Variants in ALPK1 observed in about 807,000 individuals in gnomAD.
The protein encoded by ALPK1 is alpha-protein kinase 1.
Under a neutral mutation model 120.6 loss-of-function variants are expected in ALPK1, and 110 were observed. The observed-to-expected ratio is 0.91, with a 90% CI of 0.78 to 1.07. The LOEUF is 1.07. Ranked by LOEUF, ALPK1 falls within the 50% of genes least tolerant of loss-of-function variation. The probability of loss-of-function intolerance (pLI) is 0.00; values close to 1 mark genes in which losing one functional copy is unlikely to be tolerated. For missense variants in ALPK1, 1,498 were observed against 1,483.9 expected (o/e 1.01, Z -0.16); for synonymous variants, 582 against 560.3 (o/e 1.04, Z -0.55).
In ALPK1 at chr4:112,432,549, T is replaced by G. The variant is rs74996127; in HGVS notation, c.3002T>G (p.Val1001Gly). ...TTTCAGAGACTAGAGAATACGGGGG[T>G]TTTTAAGCCCAGTCAACTCCACCGA... ...WLFQRLENTGVFKPSQLHRAH... is the reference protein window; with the variant it reads ...WLFQRLENTGGFKPSQLHRAH... The change falls in exon 11 of 16, where the codon GTT becomes GGT. Residue 1001 changes from valine to glycine, a missense_variant. Val to Gly is a moderately radical substitution (Grantham distance 109, BLOSUM62 -3). Coordinates refer to ENST00000650871, the MANE Select transcript of ALPK1 (RefSeq NM_025144.4). The G allele has an allele frequency of 3.0e-5, 48 of 1,606,990 alleles. No individual in the cohort carries two copies. Among genetic ancestry groups the G allele is most frequent in the Admixed American group, 5.1e-5 (3 of 59,352 alleles).
chr4:112,395,659 A>C (rs571789871), intron 4 of ALPK1, among the ~76,000 whole-genome samples: 9 of 152,352 alleles, frequency 5.9e-5, no homozygotes, highest in African/African-American at 1.9e-4. Context: ...TTGGCATGAG[A>C]AACTTTTTGT....
intron 1 of ALPK1, among the ~76,000 whole-genome samples, chr4:112,301,865 G>C (rs1727802079): frequency 6.6e-6 from 1 of 152,052 alleles, no homozygotes; most frequent in Admixed American, 6.6e-5. Flanking sequence ...TCACATTTTA[G>C]AGCCTGAGTG....
intron 5 of ALPK1, among the ~76,000 whole-genome samples, chr4:112,418,733 TAAGTTGGAGCTGAAA>T (rs1184542695): frequency 9.4e-6 from 1 of 106,166 alleles, no homozygotes; most frequent in African/African-American, 3.8e-5. Flanking sequence ...TGAAAGATGA[TAAGTTGGAGCTGAAA>T]AAGTTACTCC....
chr4:112,412,061 A>C (rs1733502648), intron 5 of ALPK1, 36 bp downstream of exon 5: 1 of 1,609,922 alleles, frequency 6.2e-7, no homozygotes, highest in Non-Finnish European at 8.5e-7. Flanking sequence ...CCGCGTCCTC[A>C]GTGTCTTCTG....
chr4:112,403,426 G>T (rs1319154383), intron 4 of ALPK1, among the ~76,000 whole-genome samples: 7 of 152,190 alleles, frequency 4.6e-5, no homozygotes, highest in Admixed American at 4.6e-4. Flanking sequence ...AAAGAGAAAA[G>T]AAAATGAAAA....
intron 4 of ALPK1, among the ~76,000 whole-genome samples, chr4:112,402,883 C>A (rs548562251): frequency 2.4e-4 from 36 of 152,262 alleles, no homozygotes; most frequent in African/African-American, 7.5e-4. Flanking sequence ...CTAAAAAGAT[C>A]ATATTTTTGA....
intron 2 of ALPK1, chr4:112,357,928 G>A: frequency 5.6e-6 from 5 of 895,806 alleles, no homozygotes; most frequent in South Asian, 2.7e-5. Flanking sequence ...GACCATGGGT[G>A]CTTACTAAGC....
intron 4 of ALPK1, among the ~76,000 whole-genome samples, chr4:112,407,868 G>A (rs907345382): frequency 6.6e-6 from 1 of 152,176 alleles, no homozygotes; most frequent in Non-Finnish European, 1.5e-5. Flanking sequence ...AGCACTTTGG[G>A]AGGCTCAGGT....
chr4:112,304,831 A>G (rs1283435646), intron 1 of ALPK1, among the ~76,000 whole-genome samples: 1 of 152,050 alleles, frequency 6.6e-6, no homozygotes, highest in Non-Finnish European at 1.5e-5. Context: ...GCCCATGCCT[A>G]TGTCCTGAAT....
intron 2 of ALPK1, among the ~76,000 whole-genome samples, chr4:112,341,719 G>A (rs187107661): frequency 1.3e-5 from 2 of 152,308 alleles, no homozygotes; most frequent in East Asian, 1.9e-4. Flanking sequence ...TTACAAGAAC[G>A]AAACAACAGG....
chr4:112,305,297 G>T (rs1323184723), intron 1 of ALPK1, among the ~76,000 whole-genome samples: 2 of 151,178 alleles, frequency 1.3e-5, no homozygotes, highest in African/African-American at 4.9e-5. Context: ...AAAGTCATTG[G>T]TAGCTTGATG....
intron 4 of ALPK1, among the ~76,000 whole-genome samples, chr4:112,395,980 A>G (rs1732632271): frequency 6.6e-6 from 1 of 152,184 alleles, no homozygotes. Flanking sequence ...TTTTTTAACA[A>G]AGGATGTCAA....
chr4:112,429,081 C>T, intron 9 of ALPK1, 68 bp from the exon 10 acceptor site: 1 of 1,381,400 alleles, frequency 7.2e-7, no homozygotes, highest in Non-Finnish European at 1.0e-6. Context: ...AAAACCATTT[C>T]ATAGCCTGTT....
intron 2 of ALPK1, among the ~76,000 whole-genome samples, chr4:112,345,425 A>G (rs1458228931): frequency 1.3e-5 from 2 of 152,194 alleles, no homozygotes; most frequent in African/African-American, 4.8e-5. Flanking sequence ...CAGTAAGCAG[A>G]TACTCCAAAT....
intron 2 of ALPK1, among the ~76,000 whole-genome samples, chr4:112,346,815 C>T (rs1424081657): frequency 1.3e-5 from 2 of 152,200 alleles, no homozygotes; most frequent in Non-Finnish European, 2.9e-5. Flanking sequence ...TTTAAGCTTC[C>T]TACCAGCAAA....
At chr4:112,304,182 C>T (rs1367575540) in intron 1 of ALPK1, among the ~76,000 whole-genome samples, 1 of 151,408 alleles carries the variant, frequency 6.6e-6, no homozygotes, top group Non-Finnish European at 1.5e-5. Flanking sequence ...CAAGTCTTTG[C>T]TATTGTGAAT....
rs2074379 is a variant in ALPK1, at chr4:112,431,743, G to A, written c.2196G>A (p.Met732Ile). The change falls in exon 11 of 16, where the codon ATG becomes ATA. Residue 732 changes from methionine (M) to isoleucine (I), a missense_variant. Physicochemically the swap from Met to Ile is conservative, Grantham distance 10. Transcript: ENST00000650871. ...CTGATTCTGGTAGGCCCAAGAATAT[G>A]GGCACACATCCTTCAGTCCAAAAAG... ...WSSDSGRPKN[M>I]GTHPSVQKEE... is the part of the protein sequence containing the mutation. 1,012,454 of 1,613,900 alleles carry A rather than the reference G, an allele frequency of 0.63. 318,847 individuals carry two copies. Among genetic ancestry groups the A allele is most frequent in the African/African-American group, 0.71 (53,008 of 74,948 alleles).
At chr4:112,401,054 G>A (rs891088357) in intron 4 of ALPK1, among the ~76,000 whole-genome samples, 1 of 152,156 alleles carries the variant, frequency 6.6e-6, no homozygotes, top group Non-Finnish European at 1.5e-5. Context: ...ACCGATGCCC[G>A]GGTGTACTCC....
intron 2 of ALPK1, among the ~76,000 whole-genome samples, chr4:112,318,787 G>A (rs867248129): frequency 3.3e-5 from 5 of 152,248 alleles, no homozygotes; most frequent in African/African-American, 1.2e-4. Context: ...AGAAGTCACA[G>A]TCTACTGGGA....
Sources: gnomAD v4.1 joint callset for allele counts (sites outside exome capture counted in the v4.1 genomes callset) on GRCh38, gnomAD v4.1.1 for gene constraint, MANE v1.5 for transcripts, NCBI Gene and HGNC (gene_info 2026-07-23, HGNC 2026-07-21) for gene names.